ERO1B: variants seen among roughly 807,000 people sequenced by gnomAD.
The protein encoded by ERO1B is ERO1-like protein beta.
A neutral mutation model predicts 75.3 loss-of-function variants in ERO1B; 49 were observed. The ratio of observed to expected loss-of-function variants is 0.65; its 90% CI spans 0.52 to 0.83. The LOEUF is 0.83. Among genes scored for constraint, ERO1B ranks in the 40% least tolerant of loss-of-function variants. The pLI is 0.00. For missense variants in ERO1B, 512 were observed against 560.1 expected, an observed-to-expected ratio of 0.91 and a Z score of 0.87; for synonymous variants, 191 against 192.9, an observed-to-expected ratio of 0.99 and a Z score of 0.08.
chr1:236,247,551 G>A (rs990356702), intron 5 of ERO1B, among the ~76,000 whole-genome samples: 1 of 152,052 alleles, frequency 6.6e-6, no homozygotes, highest in African/African-American at 2.4e-5. Context: ...CGATAATCAC[G>A]TAATAAGGCT....
chr1:236,239,912 T>TATA (rs1403409533), intron 6 of ERO1B, among the ~76,000 whole-genome samples: 2 of 120,984 alleles, frequency 1.7e-5, no homozygotes, highest in African/African-American at 6.8e-5. Flanking sequence ...TATATATATA[T>TATA]TTTTTTTTTT....
At chr1:236,257,560 C>CAAAAAAAAA (rs57151086) in intron 2 of ERO1B, among the ~76,000 whole-genome samples, 19 of 125,536 alleles carry the variant, frequency 1.5e-4, no homozygotes, top group East Asian at 3.4e-4. Context: ...AAATATGCTC[C>CAAAAAAAAA]AAAAAAAAAA....
intron 1 of ERO1B, among the ~76,000 whole-genome samples, chr1:236,278,050 T>C (rs915082535): frequency 2.6e-5 from 4 of 152,166 alleles, no homozygotes; most frequent in African/African-American, 9.7e-5. Flanking sequence ...TCCTTGGGTG[T>C]TTTGTGATAT....
intron 1 of ERO1B, among the ~76,000 whole-genome samples, chr1:236,278,999 GATTTTCCT>G (rs1166349965): frequency 6.6e-6 from 1 of 152,032 alleles, no homozygotes; most frequent in Non-Finnish European, 1.5e-5. Flanking sequence ...TCCACTTTTT[GATTTTCCT>G]ATTTTCCATC....
intron 1 of ERO1B, among the ~76,000 whole-genome samples, chr1:236,273,103 T>C (rs917473855): frequency 6.6e-6 from 1 of 152,148 alleles, no homozygotes; most frequent in Non-Finnish European, 1.5e-5. Flanking sequence ...GATCTTGAGA[T>C]GGAAGGGGTA....
chr1:236,266,375 G>A (rs764947647), intron 2 of ERO1B, among the ~76,000 whole-genome samples: 85 of 152,268 alleles, frequency 5.6e-4, no homozygotes, highest in Non-Finnish European at 1.0e-3. Flanking sequence ...AGGCCAAGGC[G>A]GGTGGATCAC....
At chr1:236,226,877 A>G (rs1368650368) in intron 10 of ERO1B, 138 bp from the exon 11 acceptor site, 5 of 622,338 alleles carry the variant, frequency 8.0e-6, no homozygotes, top group Non-Finnish European at 1.4e-5. Context: ...AACTGATTAG[A>G]TCAAGATTCT....
intron 2 of ERO1B, among the ~76,000 whole-genome samples, chr1:236,260,870 T>G (rs1665279251): frequency 7.4e-6 from 1 of 134,230 alleles, no homozygotes; most frequent in Non-Finnish European, 1.6e-5. Context: ...CAAAGGAAAC[T>G]ACAGGCCAAC....
At chr1:236,231,964 T>A (rs1476596644) in intron 9 of ERO1B, among the ~76,000 whole-genome samples, 2 of 152,104 alleles carry the variant, frequency 1.3e-5, no homozygotes, top group African/African-American at 4.8e-5. Flanking sequence ...CTCTTTACTG[T>A]CTCCCCAAAC....
At chr1:236,262,892 C>T in intron 2 of ERO1B, among the ~76,000 whole-genome samples, 1 of 152,124 alleles carries the variant, frequency 6.6e-6, no homozygotes, top group East Asian at 1.9e-4. Context: ...AAAGAACCAC[C>T]TTACCCAAGA....
intron 9 of ERO1B, among the ~76,000 whole-genome samples, chr1:236,232,605 A>T (rs574376462): frequency 1.4e-4 from 21 of 151,526 alleles, no homozygotes; most frequent in African/African-American, 4.4e-4. Context: ...ATGTGAATTG[A>T]TTTACAAACT....
At chr1:236,236,017 C>T (rs1022509940) in intron 7 of ERO1B, among the ~76,000 whole-genome samples, 182 bp from the exon 8 acceptor site, 5 of 152,056 alleles carry the variant, frequency 3.3e-5, no homozygotes, top group East Asian at 1.9e-4. Flanking sequence ...CTCTGCCTCC[C>T]GGGTTCAAGT....
rs377258569 is a variant in ERO1B, at chr1:236,257,739, CA to C, written c.223-4235del. 1.2e-3 allele frequency among the ~76,000 whole-genome samples: 179 copies of C among 151,220 alleles called. 3 individuals are homozygous for C. The highest frequency in any genetic ancestry group is 4.2e-3 in the African/African-American group (174 of 41,164). On this transcript the variant is annotated intron_variant, in intron 2 of 15. Coordinates refer to ENST00000354619, the MANE Select transcript of ERO1B (RefSeq NM_019891.4). Reference sequence around the variant, plus strand: ...GAGGTAGAAAATATTTTTAAAATATCAAACAGAAATCATTGACCTGAAGAAC... The same window carrying C: ...GAGGTAGAAAATATTTTTAAAATATCAACAGAAATCATTGACCTGAAGAAC...
At chr1:236,281,578 T>TGGCCC (rs1665830194) in intron 1 of ERO1B, 104 bp downstream of exon 1, 1 of 233,800 alleles carries the variant, frequency 4.3e-6, no homozygotes. Context: ...ACCTCTTTTC[T>TGGCCC]GGCCCGGCCC....
intron 2 of ERO1B, among the ~76,000 whole-genome samples, chr1:236,258,162 A>AAAAAAAAAAAAAAAAAAAAAAAAAC (rs1553373457): frequency 7.3e-6 from 1 of 136,298 alleles, no homozygotes; most frequent in Non-Finnish European, 1.6e-5. Flanking sequence ...AAAAAAAAAA[A>AAAAAAAAAAAAAAAAAAAAAAAAAC]ACCCAGCCAG....
chr1:236,260,106 T>C (rs967467251), intron 2 of ERO1B, among the ~76,000 whole-genome samples: 4 of 149,366 alleles, frequency 2.7e-5, no homozygotes, highest in Non-Finnish European at 6.0e-5. Flanking sequence ...GATAAACAAA[T>C]AGACAAACCT....
At position 236,269,938 on chromosome 1, in the gene ERO1B, A is replaced by G. The variant is rs1431171635; in HGVS notation, c.159T>C (p.Asn53=). The change falls in exon 2 of 16, where the codon AAT becomes AAC. Residue 53 remains asparagine, a synonymous_variant. Coordinates refer to ENST00000354619, the MANE Select transcript of ERO1B (RefSeq NM_019891.4). ...LCDIDSIDNF[N]TYKIFPKIKK... is the part of the protein sequence containing the mutation. ...TTATTTTGGGGAAGATTTTGTAGGT[A>G]TTGAAGTTATCGATGCTGTCAATAT... 9 of 1,604,936 alleles carry G rather than the reference A, an allele frequency of 5.6e-6. No homozygotes were observed. Among genetic ancestry groups the G allele is most frequent in the Non-Finnish European group, 7.7e-6 (9 of 1,171,806 alleles).
At chr1:236,221,074 A>G in intron 14 of ERO1B, 109 bp from the exon 15 acceptor site, 1 of 827,786 alleles carries the variant, frequency 1.2e-6, no homozygotes, top group East Asian at 3.1e-5. Flanking sequence ...ATTCATATGA[A>G]CTGAGCTTTT....
At position 236,215,230 on chromosome 1, in the gene ERO1B, C is replaced by G. The variant is rs913750910; in HGVS notation, c.*3286G>C. On this transcript the variant is annotated 3_prime_UTR_variant, in exon 16 of 16. Coordinates refer to ENST00000354619, the MANE Select transcript of ERO1B (RefSeq NM_019891.4). ...GTTCTAGAATCAGTCTTTCTCGTCT[C>G]AAATTCTTGCTCCACAACCTAGAAT... Among the ~76,000 whole-genome samples, 6 of 152,202 alleles carry G rather than the reference C, an allele frequency of 3.9e-5. 1 individual carries two copies. Among genetic ancestry groups the G allele is most frequent in the African/African-American group, 1.4e-4 (6 of 41,454 alleles).
Sources: gnomAD v4.1 joint callset for allele counts (sites outside exome capture counted in the v4.1 genomes callset) on GRCh38, gnomAD v4.1.1 for gene constraint, MANE v1.5 for transcripts, NCBI Gene and HGNC (gene_info 2026-07-23, HGNC 2026-07-21) for gene names.